The following DMD variants were observed in gnomAD, a reference collection of about 807,000 sequenced individuals.
DMD encodes the protein mutant dystrophin.
Under a neutral mutation model 330.1 loss-of-function variants are expected in DMD, and 63 were observed. That is an observed-to-expected ratio of 0.19 (90% CI 0.16 to 0.24). The LOEUF (loss-of-function observed/expected upper bound fraction) is 0.24, where lower values mean the gene tolerates loss of function less well. Ranked by LOEUF, DMD falls within the 10% of genes least tolerant of loss-of-function variation. The probability of loss-of-function intolerance (pLI) is 1.00; values close to 1 mark genes in which losing one functional copy is unlikely to be tolerated. For missense variants in DMD, 3,344 were observed against 2,684.1 expected, an observed-to-expected ratio of 1.25 and a Z score of -5.43; for synonymous variants, 1,223 against 959.8, an observed-to-expected ratio of 1.27 and a Z score of -5.07.
At chrX:32,862,855 G>A (rs1026660506) in intron 2 of DMD, among the ~76,000 whole-genome samples, 2 of 110,571 alleles carry the variant, frequency 1.8e-5, no homozygotes, top group African/African-American at 3.3e-5. Flanking sequence ...TCCTGCCTCC[G>A]CGTCCCTAGT....
intron 62 of DMD, among the ~76,000 whole-genome samples, chrX:31,303,799 T>C (rs916088593): frequency 5.4e-5 from 6 of 111,981 alleles, no homozygotes; most frequent in African/African-American, 1.6e-4. Context: ...TCCTGCTAAA[T>C]TGCCTTGACA....
chrX:31,821,358 T>G (rs2149430553), intron 49 of DMD, among the ~76,000 whole-genome samples: 1 of 112,623 alleles, frequency 8.9e-6, no homozygotes, highest in East Asian at 2.8e-4. Context: ...TGATTGTTCA[T>G]GACAAAATCC....
At chrX:31,691,566 G>T (rs1247312361) in intron 52 of DMD, among the ~76,000 whole-genome samples, 1 of 111,561 alleles carries the variant, frequency 9.0e-6, no homozygotes, top group Non-Finnish European at 1.9e-5. Context: ...CACCTTAAAG[G>T]ACATGCATAG....
At chrX:31,445,365 G>T (rs2065201928) in intron 59 of DMD, among the ~76,000 whole-genome samples, 1 of 111,192 alleles carries the variant, frequency 9.0e-6, no homozygotes, top group Admixed American at 9.6e-5. Flanking sequence ...GAGGAACCTG[G>T]GATACCTATA....
intron 78 of DMD, among the ~76,000 whole-genome samples, chrX:31,123,061 A>C (rs552830): frequency 0.28 from 30,883 of 110,542 alleles, 4,375 homozygotes; most frequent in African/African-American, 0.55. Context: ...TGTTAAAAAT[A>C]CCAATAAAAA....
chrX:32,684,014 T>TACAC lies in DMD; in HGVS notation c.960+13855_960+13856insGTGT, dbSNP rs1296784939. On this transcript the variant is annotated intron_variant, in intron 9 of 78. Transcript: ENST00000357033. Reference sequence around the variant, plus strand: ...CATACAAAACACACACACACACACATACATACACACACACACACACACACA... The same window carrying TACAC: ...CATACAAAACACACACACACACACATACACACATACACACACACACACACACACA... Among the ~76,000 whole-genome samples the TACAC allele has an allele frequency of 4.6e-5, 3 of 64,647 alleles. No individual in the cohort carries two copies. The African/African-American group carries it at 5.0e-4, about 11-fold the overall frequency. 56.1% of individuals were successfully genotyped at this position (64,647 alleles called of 115,157 possible).
intron 29 of DMD, among the ~76,000 whole-genome samples, chrX:32,436,427 A>C (rs2098261481): frequency 9.0e-6 from 1 of 111,617 alleles, no homozygotes; most frequent in East Asian, 2.8e-4. Flanking sequence ...ATGCTTTAAA[A>C]ACTCAGTCCA....
intron 1 of DMD, among the ~76,000 whole-genome samples, chrX:33,153,759 A>T (rs2048379776): frequency 8.9e-6 from 1 of 112,478 alleles, no homozygotes; most frequent in African/African-American, 3.2e-5. Flanking sequence ...TTTTTCATCA[A>T]TCAAGGTTTA....
intron 4 of DMD, among the ~76,000 whole-genome samples, chrX:32,827,765 G>A (rs1045830420): frequency 9.2e-6 from 1 of 108,185 alleles, no homozygotes; most frequent in African/African-American, 3.4e-5. Flanking sequence ...AGTTTCAAGC[G>A]ATTCTCCTGC....
chrX:32,945,586 A>G (rs771430338), intron 2 of DMD, among the ~76,000 whole-genome samples: 11 of 111,380 alleles, frequency 9.9e-5, no homozygotes, highest in Non-Finnish European at 2.1e-4. Context: ...TTATATTTCT[A>G]ATTTTAATGA....
At chrX:31,989,802 T>G (rs1389659865) in intron 44 of DMD, among the ~76,000 whole-genome samples, 6 of 111,525 alleles carry the variant, frequency 5.4e-5, no homozygotes, top group Non-Finnish European at 1.1e-4. Flanking sequence ...CTGATTTCCT[T>G]TTTTTAATCT....
chrX:33,207,646 C>T (rs958354011), intron 1 of DMD, among the ~76,000 whole-genome samples: 2 of 111,084 alleles, frequency 1.8e-5, no homozygotes, highest in African/African-American at 3.3e-5. Context: ...ATGGTGTTGC[C>T]ATTTTAACTT....
intron 6 of DMD, among the ~76,000 whole-genome samples, chrX:32,812,237 C>G (rs754766847): frequency 7.2e-5 from 8 of 111,329 alleles, no homozygotes; most frequent in Non-Finnish European, 1.5e-4. Flanking sequence ...TTAATGGACT[C>G]CTGTTTAAGA....
At chrX:32,664,114 G>T (rs1444353341) in intron 9 of DMD, among the ~76,000 whole-genome samples, 1 of 111,614 alleles carries the variant, frequency 9.0e-6, no homozygotes, top group Non-Finnish European at 1.9e-5. Flanking sequence ...CAAGGCCAAA[G>T]CAGGCAGGCT....
At chrX:32,888,120 C>A (rs956936264) in intron 2 of DMD, among the ~76,000 whole-genome samples, 2 of 110,572 alleles carry the variant, frequency 1.8e-5, no homozygotes, top group Non-Finnish European at 3.8e-5. Flanking sequence ...ACAGTGGCAA[C>A]TGTGATTAAG....
At chrX:31,161,822 A>G (rs2038846603) in intron 74 of DMD, among the ~76,000 whole-genome samples, 1 of 111,482 alleles carries the variant, frequency 9.0e-6, no homozygotes, top group African/African-American at 3.3e-5. Flanking sequence ...ACCTGCTTAT[A>G]GGATAAAACC....
At chrX:32,432,014 T>C (rs2098240351) in intron 29 of DMD, among the ~76,000 whole-genome samples, 1 of 111,956 alleles carries the variant, frequency 8.9e-6, no homozygotes, top group Non-Finnish European at 1.9e-5. Context: ...GGTGCTACCC[T>C]GACTTAATCA....
chrX:33,213,311 A>T (rs941958860), upstream of DMD, among the ~76,000 whole-genome samples: 7 of 112,192 alleles, frequency 6.2e-5, no homozygotes, highest in African/African-American at 2.3e-4. Context: ...ATTCAGCCTT[A>T]GTTGATAATC....
intron 41 of DMD, among the ~76,000 whole-genome samples, chrX:32,332,215 C>T (rs1205622358): frequency 9.0e-6 from 1 of 111,228 alleles, no homozygotes; most frequent in Non-Finnish European, 1.9e-5. Flanking sequence ...CAAATATATA[C>T]TGTGTACCTA....
Sources: allele counts gnomAD v4.1 joint callset (sites outside exome capture counted in the v4.1 genomes callset), GRCh38; gene constraint gnomAD v4.1.1; transcripts MANE v1.5; gene names NCBI Gene and HGNC (gene_info 2026-07-23, HGNC 2026-07-21).